Variants in DLGAP2 observed in about 807,000 individuals in gnomAD.
DLGAP2 encodes DLG associated protein 2, also known as disks large-associated protein 2.
A neutral mutation model predicts 100.3 loss-of-function variants in DLGAP2; 26 were observed. The ratio of observed to expected loss-of-function variants is 0.26; its 90% CI spans 0.19 to 0.36. The LOEUF is 0.36. Ranked by LOEUF, DLGAP2 falls within the 10% of genes least tolerant of loss-of-function variation. DLGAP2 has a pLI of 1.00. For missense variants in DLGAP2, 1,858 were observed against 1,453.2 expected (o/e 1.28, Z -4.53); for synonymous variants, 886 against 630.1 (o/e 1.41, Z -6.08).
intron 2 of DLGAP2, among the ~76,000 whole-genome samples, chr8:1,080,975 CA>C (rs1315258506): frequency 6.6e-6 from 1 of 152,050 alleles, no homozygotes; most frequent in African/African-American, 2.4e-5. Context: ...TTTAACAATA[CA>C]AAATTATATG....
chr8:1,251,194 G>C (rs529515262), intron 2 of DLGAP2, among the ~76,000 whole-genome samples: 3 of 152,196 alleles, frequency 2.0e-5, no homozygotes, highest in African/African-American at 7.2e-5. Flanking sequence ...AAAATTTACT[G>C]TCATCCTGGG....
At chr8:944,769 C>T (rs1799276451) in intron 2 of DLGAP2, among the ~76,000 whole-genome samples, 1 of 151,328 alleles carries the variant, frequency 6.6e-6, no homozygotes, top group South Asian at 2.1e-4. Context: ...GTAACTGATC[C>T]ATGTGGGTGA....
At chr8:1,351,851 C>G (rs796332167) in intron 3 of DLGAP2, among the ~76,000 whole-genome samples, 1 of 44,752 alleles carries the variant, frequency 2.2e-5, no homozygotes, top group African/African-American at 6.3e-5. Context: ...CCTGAGTGTG[C>G]GTGGAAAGGC....
chr8:889,775 A>C (rs1489660013), intron 1 of DLGAP2, among the ~76,000 whole-genome samples: 1 of 152,246 alleles, frequency 6.6e-6, no homozygotes. Flanking sequence ...AGGCCGCTGC[A>C]GCCAGTGCTG....
intron 3 of DLGAP2, among the ~76,000 whole-genome samples, chr8:1,426,857 C>G (rs1037756773): frequency 2.0e-5 from 3 of 152,008 alleles, no homozygotes; most frequent in African/African-American, 7.2e-5. Context: ...ACTCAACCTT[C>G]TATTCTACCT....
chr8:1,451,015 C>T (rs1483270533), intron 3 of DLGAP2, among the ~76,000 whole-genome samples: 1 of 152,106 alleles, frequency 6.6e-6, no homozygotes, highest in African/African-American at 2.4e-5. Context: ...CACCGAATTC[C>T]AGGGCATCAC....
chr8:753,731 A>G (rs1271091375), intron 1 of DLGAP2: 1 of 152,114 alleles, frequency 6.6e-6, no homozygotes, highest in African/African-American at 2.4e-5. Context: ...AGCCTTATCC[A>G]CTCCACAGAC....
intron 8 of DLGAP2, among the ~76,000 whole-genome samples, chr8:1,638,475 C>A (rs904248484): frequency 3.9e-5 from 6 of 152,108 alleles, no homozygotes; most frequent in African/African-American, 1.4e-4. Flanking sequence ...TGCTCTGTTA[C>A]GGCAGCACGG....
intron 3 of DLGAP2, among the ~76,000 whole-genome samples, chr8:1,473,741 G>A (rs1291931757): frequency 1.3e-5 from 2 of 152,118 alleles, no homozygotes; most frequent in South Asian, 2.1e-4. Flanking sequence ...ATCATGGGGT[G>A]GGTCCCTCCA....
chr8:1,566,001 A>G, intron 6 of DLGAP2, 107 bp downstream of exon 6: 1 of 956,712 alleles, frequency 1.0e-6, no homozygotes, highest in Non-Finnish European at 1.5e-6. Flanking sequence ...TTTAAACTAA[A>G]TTGCCAAGCT....
At chr8:940,643 G>C (rs544047690) in intron 2 of DLGAP2, among the ~76,000 whole-genome samples, 4 of 152,228 alleles carry the variant, frequency 2.6e-5, no homozygotes, top group Admixed American at 2.6e-4. Flanking sequence ...GGGAAGGAAA[G>C]GTTTTCAGGA....
chr8:1,044,991 T>G (rs1256286547), intron 2 of DLGAP2, among the ~76,000 whole-genome samples: 3 of 152,244 alleles, frequency 2.0e-5, no homozygotes, highest in South Asian at 2.1e-4. Flanking sequence ...AGCTACAGAC[T>G]TAAAAGGTCC....
intron 1 of DLGAP2, among the ~76,000 whole-genome samples, chr8:843,512 C>G (rs1797019584): frequency 6.6e-6 from 1 of 152,216 alleles, no homozygotes; most frequent in South Asian, 2.1e-4. Context: ...CACGGCCTCT[C>G]CTGGGGTTCC....
At position 858,191 on chromosome 8, in the gene DLGAP2, A is replaced by G. The variant is rs910499340; in HGVS notation, c.19-49721A>G. Among the ~76,000 whole-genome samples the G allele has an allele frequency of 6.6e-5, 10 of 152,334 alleles. No homozygotes were observed. In the South Asian group the frequency reaches 1.9e-3, roughly 28 times the overall value. ...GTTTATAGCAGCTTGGAAACAACCA[A>G]CGTGCCTTTAAAAGATGAATGAATA... is the stretch of plus-strand genomic sequence containing the variant. On this transcript the variant is annotated intron_variant, in intron 1 of 14. Coordinates refer to ENST00000637795, the MANE Select transcript of DLGAP2 (RefSeq NM_001346810.2).
chr8:838,249 G>A (rs1160090099), intron 1 of DLGAP2, among the ~76,000 whole-genome samples: 2 of 152,116 alleles, frequency 1.3e-5, no homozygotes, highest in African/African-American at 2.4e-5. Flanking sequence ...AATGAAAAGT[G>A]GTCAGAACCT....
chr8:1,491,018 G>A (rs1799363922), intron 3 of DLGAP2, among the ~76,000 whole-genome samples: 1 of 91,272 alleles, frequency 1.1e-5, no homozygotes. Context: ...AAAACTTAAA[G>A]TATAATAATA....
chr8:1,420,505 C>A (rs542371933), intron 3 of DLGAP2, among the ~76,000 whole-genome samples: 48 of 152,274 alleles, frequency 3.2e-4, no homozygotes, highest in African/African-American at 1.1e-3. Flanking sequence ...TCCTAAACTA[C>A]AACTCTATGC....
intron 3 of DLGAP2, among the ~76,000 whole-genome samples, chr8:1,491,976 G>C (rs1799404291): frequency 6.6e-6 from 1 of 152,218 alleles, no homozygotes; most frequent in Non-Finnish European, 1.5e-5. Context: ...ACTGGAGCCG[G>C]GCTCCGCTGT....
intron 12 of DLGAP2, among the ~76,000 whole-genome samples, chr8:1,681,083 C>G (rs537927068): frequency 1.3e-5 from 2 of 152,106 alleles, no homozygotes; most frequent in Non-Finnish European, 2.9e-5. Context: ...ACAAAGAGGT[C>G]ATGTTTGTTT....
Sources: allele counts gnomAD v4.1 joint callset (sites outside exome capture counted in the v4.1 genomes callset), GRCh38; gene constraint gnomAD v4.1.1; transcripts MANE v1.5; gene names NCBI Gene and HGNC (gene_info 2026-07-23, HGNC 2026-07-21).